LMNB2: variants seen among roughly 807,000 people sequenced by gnomAD.
LMNB2 encodes lamin-B2.
Under a neutral mutation model 69.3 loss-of-function variants are expected in LMNB2, and 17 were observed. That is an observed-to-expected ratio of 0.25 (90% confidence interval 0.17 to 0.37). The LOEUF is 0.37. Among genes scored for constraint, LMNB2 ranks in the 10% least tolerant of loss-of-function variants. The pLI, the probability that LMNB2 is intolerant of heterozygous loss-of-function variation, is 1.00. For synonymous variants in LMNB2, 397 were observed against 389.3 expected (o/e 1.02, Z -0.23); for missense variants, 789 against 883.6 (o/e 0.89, Z 1.36).
At position 2,430,779 on chromosome 19, in the gene LMNB2, C is replaced by G. The variant is rs575214458; in HGVS notation, c.*132G>C. On this transcript the variant is annotated 3_prime_UTR_variant, in exon 12 of 12. Coordinates refer to ENST00000325327, the MANE Select transcript of LMNB2 (RefSeq NM_032737.4). ...CGCCAGGAGGGAGGGCTGGGGGAGA[C>G]CCACCCACACGTTCTGGCAGTTCGC... 1.6e-5 allele frequency: 12 copies of G among 763,258 alleles called. No individual in the cohort carries two copies. Among genetic ancestry groups the G allele is most frequent in the Non-Finnish European group, 2.4e-5 (10 of 420,364 alleles). The allele number at this position is 763,258 out of a possible 1,614,324, so 47.3% of individuals were successfully genotyped here.
intron 2 of LMNB2, among the ~76,000 whole-genome samples, chr19:2,440,567 C>A (rs2145458006): frequency 6.6e-6 from 1 of 152,030 alleles, no homozygotes; most frequent in East Asian, 1.9e-4. Flanking sequence ...ATCCATCCAC[C>A]CATCATCCAT....
intron 1 of LMNB2, among the ~76,000 whole-genome samples, chr19:2,446,267 TG>T (rs1423069129): frequency 6.7e-6 from 1 of 148,536 alleles, no homozygotes; most frequent in Non-Finnish European, 1.5e-5. Flanking sequence ...AGCAAGGACA[TG>T]GGGAGGGGCT....
At chr19:2,436,381 A>AAAAACAAAACAAAACAAAAC (rs370520046) in intron 4 of LMNB2, among the ~76,000 whole-genome samples, 2,107 of 151,670 alleles carry the variant, frequency 0.014, 47 homozygotes, top group African/African-American at 0.043. Context: ...ACTCCATCTC[A>AAAAACAAAACAAAACAAAAC]AAAACAAAAC....
chr19:2,431,526 C>A (rs533573698), intron 11 of LMNB2, 22 bp downstream of exon 11: 3 of 1,614,006 alleles, frequency 1.9e-6, no homozygotes, highest in Admixed American at 3.3e-5. Flanking sequence ...CCCCCAGCCG[C>A]AAGTGGGCAC....
chr19:2,436,249 C>T (rs879490078), intron 4 of LMNB2, among the ~76,000 whole-genome samples: 26 of 152,150 alleles, frequency 1.7e-4, no homozygotes, highest in African/African-American at 6.3e-4. Context: ...TGCCACCGTA[C>T]TCCAGCCTGG....
intron 2 of LMNB2, among the ~76,000 whole-genome samples, chr19:2,439,693 ACCTCT>A (rs1355507076): frequency 1.3e-5 from 2 of 148,834 alleles, no homozygotes; most frequent in Non-Finnish European, 3.0e-5. Flanking sequence ...AGTGACAGGG[ACCTCT>A]CCTGCCCAGC....
intron 1 of LMNB2, among the ~76,000 whole-genome samples, chr19:2,454,292 CAAAA>C (rs58800585): frequency 1.2e-5 from 1 of 80,982 alleles, no homozygotes; most frequent in African/African-American, 4.5e-5. Flanking sequence ...GACTCTATCT[CAAAA>C]AAAAAAAAAA....
At position 2,431,755 on chromosome 19, in the gene LMNB2, G is replaced by A. The variant is rs199507814; in HGVS notation, c.1710+28C>T. 339 of 1,613,476 alleles carry A rather than the reference G, an allele frequency of 2.1e-4. 1 individual carries two copies. Among genetic ancestry groups the A allele is most frequent in the Middle Eastern group, 1.3e-3 (8 of 6,062 alleles). ...CCAGACCCTGCCCAGGACTCCAGCC[G>A]AGCACCCCCCAAGCCACACACACCC... On this transcript the variant is annotated intron_variant, in intron 10 of 11. Transcript: ENST00000325327.
intron 2 of LMNB2, among the ~76,000 whole-genome samples, chr19:2,440,135 A>C (rs1971879219): frequency 6.6e-6 from 1 of 151,472 alleles, no homozygotes; most frequent in African/African-American, 2.4e-5. Flanking sequence ...TCCATCAATA[A>C]CTGTATTTAT....
At chr19:2,448,588 C>G (rs1050606364) in intron 1 of LMNB2, among the ~76,000 whole-genome samples, 15 of 152,246 alleles carry the variant, frequency 9.9e-5, no homozygotes, top group African/African-American at 3.1e-4. Context: ...GGGCTCACCC[C>G]TGTCATCCCA....
chr19:2,434,610 C>A, intron 6 of LMNB2, 95 bp from the exon 7 acceptor site: 1 of 1,519,000 alleles, frequency 6.6e-7, no homozygotes, highest in Non-Finnish European at 8.9e-7. Flanking sequence ...TCACCACAGA[C>A]TGGGGCAGAG....
chr19:2,438,120 G>A lies in LMNB2; in HGVS notation c.684+43C>T, dbSNP rs754226014. The A allele has an allele frequency of 3.7e-6, 6 of 1,611,034 alleles. No homozygotes were observed. In the African/African-American group the frequency reaches 8.0e-5, roughly 21 times the overall value. On this transcript the variant is annotated intron_variant, in intron 4 of 11. Transcript: ENST00000325327. ...CTCCACAGCCATGAGGGTGGACTTT[G>A]CGTTTCCGCTGTGCCAGGCTGGAGG...
Position 2,430,178 on chromosome 19 carries a change from CG to C in LMNB2, c.*732del, listed in dbSNP as rs1971719763. ...CTTATTGTTGTGACAGGTCTTACGACGGGACTGTCCTCATTCTTCCTTCCCC... is the reference window on the plus strand; with the variant it reads ...CTTATTGTTGTGACAGGTCTTACGACGGACTGTCCTCATTCTTCCTTCCCC... On this transcript the variant is annotated 3_prime_UTR_variant, in exon 12 of 12. Transcript: ENST00000325327. 1 of 155,662 alleles carries C rather than the reference CG, an allele frequency of 6.4e-6. No individual in the cohort carries two copies. 9.6% of individuals were successfully genotyped at this position (155,662 alleles called of 1,614,324 possible).
intron 1 of LMNB2, among the ~76,000 whole-genome samples, chr19:2,445,893 A>C (rs1200323925): frequency 5.7e-3 from 44 of 7,770 alleles, no homozygotes; most frequent in African/African-American, 8.5e-3. Flanking sequence ...CCCACCTTTC[A>C]CCCCTCGATC....
At chr19:2,441,040 A>G (rs1212575623) in intron 2 of LMNB2, among the ~76,000 whole-genome samples, 1 of 152,216 alleles carries the variant, frequency 6.6e-6, no homozygotes, top group Non-Finnish European at 1.5e-5. Context: ...TGTCAGAAGA[A>G]CCAGGAGCTG....
At chr19:2,437,369 G>A (rs1971840788) in intron 4 of LMNB2, among the ~76,000 whole-genome samples, 1 of 152,240 alleles carries the variant, frequency 6.6e-6, no homozygotes, top group Non-Finnish European at 1.5e-5. Context: ...CTGGACGGTG[G>A]CACCCAGAAG....
intron 4 of LMNB2, 43 bp from the exon 5 acceptor site, chr19:2,435,214 C>G: frequency 6.3e-7 from 1 of 1,595,266 alleles, no homozygotes; most frequent in Non-Finnish European, 8.5e-7. Context: ...CGCCTGGGCC[C>G]CAAGCACCAG....
chr19:2,456,838 G>T lies in LMNB2; in HGVS notation c.96C>A (p.Pro32=). 2.2e-6 allele frequency: 3 copies of T among 1,339,182 alleles called. No individual in the cohort carries two copies. The highest frequency in any genetic ancestry group is 1.9e-6 in the Non-Finnish European group (2 of 1,036,282). 83.0% of individuals were successfully genotyped at this position (1,339,182 alleles called of 1,614,324 possible). Residue 32 remains proline (P), a synonymous_variant, in exon 1 of 12, where the codon CCC becomes CCA. Transcript: ENST00000325327. ...ATPLPGRAGG[P]ATPLSPTRLS... The stretch of plus-strand genomic sequence containing the variant: ...GGCGCGTGGGCGACAGCGGCGTGGC[G>T]GGCCCGCCCGCGCGGCCGGGCAGCG...
intron 1 of LMNB2, among the ~76,000 whole-genome samples, chr19:2,448,410 G>A (rs1436966838): frequency 1.3e-5 from 2 of 152,188 alleles, no homozygotes; most frequent in Non-Finnish European, 2.9e-5. Context: ...GAACAAAACA[G>A]CAGAGTTTCC....
Sources: gnomAD v4.1 joint callset for allele counts (sites outside exome capture counted in the v4.1 genomes callset) on GRCh38, gnomAD v4.1.1 for gene constraint, MANE v1.5 for transcripts, NCBI Gene and HGNC (gene_info 2026-07-23, HGNC 2026-07-21) for gene names.